Variants in EVL observed in about 807,000 individuals in gnomAD.
The protein encoded by EVL is ena/VASP-like protein.
EVL carries 21 observed loss-of-function variants against 59.6 expected under a neutral mutation model. That is an observed-to-expected ratio of 0.35 (90% CI 0.25 to 0.51). The LOEUF (loss-of-function observed/expected upper bound fraction) is 0.51. Ranked by LOEUF, EVL falls within the 20% of genes least tolerant of loss-of-function variation. The pLI is 0.97. For missense variants in EVL, 462 were observed against 546.6 expected, an observed-to-expected ratio of 0.85 and a Z score of 1.54; for synonymous variants, 198 against 203.5, an observed-to-expected ratio of 0.97 and a Z score of 0.23.
intron 13 of EVL, 25 bp downstream of exon 13, chr14:100,141,818 G>C: frequency 6.2e-7 from 1 of 1,610,088 alleles, no homozygotes; most frequent in Non-Finnish European, 8.5e-7. Context: ...ACCGGGGAGG[G>C]TGGCACCCAG....
At chr14:100,005,630 T>TAC (rs35844160) in intron 1 of EVL, among the ~76,000 whole-genome samples, 28,088 of 143,562 alleles carry the variant, frequency 0.2, 2,733 homozygotes, top group Non-Finnish European at 0.23. Flanking sequence ...GCCTTTTAAA[T>TAC]ACACACACAC....
At chr14:99,973,676 G>A (rs765828289) in intron 1 of EVL, among the ~76,000 whole-genome samples, 3 of 152,092 alleles carry the variant, frequency 2.0e-5, no homozygotes, top group Admixed American at 6.5e-5. Flanking sequence ...TTGGCCAGGC[G>A]GGTCTCGAAC....
rs1310739581 is a variant in EVL, at chr14:99,972,766, C to T, written c.5+709C>T. On this transcript the variant is annotated intron_variant, in intron 1 of 13. Coordinates refer to the EVL transcript ENST00000402714. The surrounding 1 kb of genome is among the most constrained non-coding windows in gnomAD (Gnocchi z 4.4). ...CCCAGTCGCTAAACCCTCCCTTCCT[C>T]TCCAGATCCTGTCGTGACTTTTTTG... 6.6e-6 allele frequency among the ~76,000 whole-genome samples: 1 copy of T among 152,084 alleles called. No homozygotes were observed.
rs564572528 is a variant in EVL at position 100,132,943 on chromosome 14, G to A, written c.900+164G>A. ...GGGTCTCTGCGGTGCTTGTCCCTGC[G>A]CCACCCTGGCCCCAGCAGCAGGCCT... On this transcript the variant is annotated intron_variant, in intron 8 of 13. Transcript: ENST00000392920. Among the ~76,000 whole-genome samples the A allele has an allele frequency of 1.2e-4, 19 of 152,308 alleles. No individual in the cohort carries two copies. The South Asian group carries it at 2.7e-3, about 22-fold the overall frequency.
At position 100,035,114 on chromosome 14, in the gene EVL, G is replaced by A. The variant is rs376068563; in HGVS notation, c.6-49573G>A. On this transcript the variant is annotated intron_variant, in intron 1 of 13. Transcript: ENST00000402714. The stretch of plus-strand genomic sequence containing the variant: ...TACAACTGAAAAACTTTTAAAATGA[G>A]ACATTATTCCTCAAATTTTCTTTCT... Among the ~76,000 whole-genome samples the A allele has an allele frequency of 4.6e-5, 7 of 152,244 alleles. No homozygotes were observed. The South Asian group carries it at 1.5e-3, about 32-fold the overall frequency.
chr14:99,999,246 T>C (rs1485597058), intron 1 of EVL, among the ~76,000 whole-genome samples: 1 of 152,164 alleles, frequency 6.6e-6, no homozygotes, highest in Non-Finnish European at 1.5e-5. Flanking sequence ...TGTGCCCTTT[T>C]GGTTTTAACT....
chr14:100,033,577 G>A (rs545912784), intron 1 of EVL, among the ~76,000 whole-genome samples: 1 of 152,278 alleles, frequency 6.6e-6, no homozygotes, highest in East Asian at 1.9e-4. Context: ...AAAACCTGTT[G>A]GGTATTCTAG....
chr14:100,099,277 G>A (rs1172566736), intron 3 of EVL, among the ~76,000 whole-genome samples: 1 of 152,062 alleles, frequency 6.6e-6, no homozygotes, highest in Non-Finnish European at 1.5e-5. Flanking sequence ...GCATTGTGGT[G>A]CATGCCTGCA....
chr14:99,990,731 G>C (rs576719881), intron 1 of EVL, among the ~76,000 whole-genome samples: 1 of 152,162 alleles, frequency 6.6e-6, no homozygotes, highest in South Asian at 2.1e-4. Context: ...AGAGAGAGAT[G>C]CTACTTTTTA....
chr14:100,066,762 G>A (rs934246239), intron 1 of EVL, among the ~76,000 whole-genome samples: 2 of 152,128 alleles, frequency 1.3e-5, no homozygotes, highest in African/African-American at 2.4e-5. Flanking sequence ...AGTAAATGAG[G>A]CACAGCAATT....
At chr14:100,128,967 G>A (rs1031452171) in intron 6 of EVL, among the ~76,000 whole-genome samples, 19 of 152,314 alleles carry the variant, frequency 1.2e-4, no homozygotes, top group Admixed American at 5.9e-4. Context: ...ACCTTCACAC[G>A]TGGGGCAAGA....
chr14:100,049,392 G>A (rs555273957), intron 1 of EVL, among the ~76,000 whole-genome samples: 2 of 152,242 alleles, frequency 1.3e-5, no homozygotes, highest in African/African-American at 4.8e-5. Context: ...GTGTATTCTA[G>A]GGAGGCCTTT....
intron 1 of EVL, among the ~76,000 whole-genome samples, chr14:100,070,090 A>C (rs1387741124): frequency 6.6e-6 from 1 of 151,800 alleles, no homozygotes; most frequent in African/African-American, 2.4e-5. Context: ...GAAAGAAAGA[A>C]AATAAAATTA....
At chr14:100,040,743 A>G (rs972146364) in intron 1 of EVL, among the ~76,000 whole-genome samples, 12 of 152,190 alleles carry the variant, frequency 7.9e-5, no homozygotes, top group African/African-American at 2.9e-4. Flanking sequence ...TTTGGTCTGT[A>G]AGTAGCTCTG....
chr14:100,063,775 T>C (rs1226796527), upstream of EVL, among the ~76,000 whole-genome samples: 2 of 152,236 alleles, frequency 1.3e-5, no homozygotes, highest in African/African-American at 4.8e-5. Flanking sequence ...TCCTTGTGCA[T>C]ATGCTACATC....
rs1424700347 is a variant in EVL at position 100,109,635 on chromosome 14, C to T, written c.358+11977C>T. ...CTAAGATGGAGTTCCTGAACCAAGA[C>T]CGCTTGCTGGCCAACCTGTGAAACT... is the stretch of plus-strand genomic sequence containing the variant. On this transcript the variant is annotated intron_variant, in intron 3 of 13. Coordinates refer to ENST00000392920, the MANE Select transcript of EVL (RefSeq NM_016337.3). This position sits in a 1 kb window ranked among gnomAD's most constrained non-coding sequence, Gnocchi z 4.3. The T allele has an allele frequency of 3.8e-6, 2 of 524,654 alleles. No homozygotes were observed. Among genetic ancestry groups the T allele is most frequent in the Non-Finnish European group, 7.9e-6 (2 of 254,690 alleles). 32.5% of individuals were successfully genotyped at this position (524,654 alleles called of 1,614,324 possible).
upstream of EVL, among the ~76,000 whole-genome samples, chr14:100,061,403 CAAAAAAA>C (rs56656380): frequency 1.0e-4 from 2 of 19,096 alleles, no homozygotes; most frequent in African/African-American, 5.2e-4. Flanking sequence ...GACCCTGTCT[CAAAAAAA>C]AAAAAAAAAA....
chr14:100,010,381 T>C (rs1473709418), intron 1 of EVL, among the ~76,000 whole-genome samples: 2 of 152,156 alleles, frequency 1.3e-5, no homozygotes, highest in East Asian at 3.9e-4. Context: ...GTCGTCATTA[T>C]TGTGCTAGTT....
chr14:99,992,648 T>C (rs2060883046), intron 1 of EVL, among the ~76,000 whole-genome samples: 1 of 152,246 alleles, frequency 6.6e-6, no homozygotes, highest in South Asian at 2.1e-4. Flanking sequence ...GGCATATGAA[T>C]ATTCAGTTTT....
Sources: gnomAD v4.1 joint callset for allele counts (sites outside exome capture counted in the v4.1 genomes callset) on GRCh38, gnomAD v4.1.1 for gene constraint, Gnocchi (gnomAD v3.1) non-coding constraint, MANE v1.5 for transcripts, NCBI Gene and HGNC (gene_info 2026-07-23, HGNC 2026-07-21) for gene names.